PCDHA9: variants seen among roughly 807,000 people sequenced by gnomAD.
PCDHA9 encodes protocadherin alpha-9.
PCDHA9 carries 62 observed loss-of-function variants against 62.0 expected under a neutral mutation model. The ratio of observed to expected loss-of-function variants is 1.00; its 90% CI spans 0.81 to 1.23. PCDHA9 has a LOEUF of 1.23. Ranked by LOEUF, PCDHA9 falls within the 50% of genes most tolerant of loss-of-function variation. PCDHA9 has a pLI of 0.00. For missense variants in PCDHA9, 1,205 were observed against 1,249.8 expected (o/e 0.96, Z 0.54); for synonymous variants, 557 against 567.6 (o/e 0.98, Z 0.27).
At chr5:140,851,144 T>C in intron 1 of PCDHA9, 1 of 1,310,570 alleles carries the variant, frequency 7.6e-7, no homozygotes, top group Non-Finnish European at 9.9e-7. Context: ...TAAAGTGACA[T>C]TGAATTTCTG....
intron 1 of PCDHA9, among the ~76,000 whole-genome samples, chr5:140,974,321 T>C (rs2096622495): frequency 6.6e-6 from 1 of 152,226 alleles, no homozygotes; most frequent in Non-Finnish European, 1.5e-5. Context: ...AGAGAGTAGC[T>C]GCTGTGCTAG....
chr5:140,876,992 A>T (rs1222630901), intron 1 of PCDHA9: 1 of 1,612,438 alleles, frequency 6.2e-7, no homozygotes, highest in Non-Finnish European at 8.5e-7. Flanking sequence ...CTGTCGAGCT[A>T]CGTGTCGGTG....
chr5:140,981,845 T>C (rs184071298), intron 2 of PCDHA9, among the ~76,000 whole-genome samples: 129 of 152,310 alleles, frequency 8.5e-4, no homozygotes, highest in Middle Eastern at 3.4e-3. Flanking sequence ...TCCCAGTTTG[T>C]ATCTCACTCC....
chr5:140,962,369 AT>A (rs1181838799), intron 1 of PCDHA9, among the ~76,000 whole-genome samples: 1 of 152,154 alleles, frequency 6.6e-6, no homozygotes, highest in Admixed American at 6.5e-5. Flanking sequence ...GGCTAGTTTG[AT>A]TTTATCTGTT....
intron 3 of PCDHA9, 116 bp downstream of exon 3, chr5:140,982,679 C>T: frequency 7.0e-7 from 1 of 1,436,546 alleles, no homozygotes; most frequent in Non-Finnish European, 9.2e-7. Flanking sequence ...TTGTTATTCC[C>T]TTTTTTCCAT....
chr5:141,006,048 G>T (rs1158028347), intron 3 of PCDHA9, among the ~76,000 whole-genome samples: 1 of 150,984 alleles, frequency 6.6e-6, no homozygotes, highest in Non-Finnish European at 1.5e-5. Context: ...TTGTAGATGA[G>T]AGTGGAGAAG....
At chr5:140,932,633 A>T (rs1192123242) in intron 1 of PCDHA9, among the ~76,000 whole-genome samples, 1 of 151,912 alleles carries the variant, frequency 6.6e-6, no homozygotes, top group African/African-American at 2.4e-5. Flanking sequence ...ACACTAAAAA[A>T]CTTTAGAATG....
intron 1 of PCDHA9, chr5:140,884,825 T>C (rs543714024): frequency 1.0e-6 from 1 of 967,424 alleles, no homozygotes; most frequent in Non-Finnish European, 1.5e-6. Flanking sequence ...CATTATGTGT[T>C]GGATTATCCT....
intron 1 of PCDHA9, chr5:140,877,101 G>T (rs375706181): frequency 6.8e-6 from 11 of 1,613,354 alleles, no homozygotes; most frequent in Non-Finnish European, 9.3e-6. Flanking sequence ...CCGGCGTGCC[G>T]CCTCTGGGCA....
In PCDHA9 at chr5:140,884,578, G is replaced by A. The variant is rs1554181757; in HGVS notation, c.2394+33689G>A. 6 of 1,614,104 alleles carry A rather than the reference G, an allele frequency of 3.7e-6. No homozygotes were observed. In the South Asian group the frequency reaches 4.4e-5, roughly 12 times the overall value. On this transcript the variant is annotated intron_variant, in intron 1 of 3. Transcript: ENST00000532602. ...AGGGCCCGCATAAGACGGACCTCAT[G>A]GCCTTCAGTCCCAGCCTTCCTCCTT...
rs2093299605 is a variant in PCDHA9 at position 140,942,442 on chromosome 5, TA to T, written c.2395-36504del. 4.0e-5 allele frequency among the ~76,000 whole-genome samples: 6 copies of T among 151,626 alleles called. No homozygotes were observed. In the South Asian group the frequency reaches 1.2e-3, roughly 31 times the overall value. ...AAAAAGATATCTAACAATAAACAAG[TA>T]AACTATCAATTATAATACAATCAAA... On this transcript the variant is annotated intron_variant, in intron 1 of 3. Coordinates refer to ENST00000532602, the MANE Select transcript of PCDHA9 (RefSeq NM_031857.2).
At position 140,858,049 on chromosome 5, in the gene PCDHA9, G is replaced by T. The variant is rs181372488; in HGVS notation, c.2394+7160G>T. 54 of 1,597,448 alleles carry T rather than the reference G, an allele frequency of 3.4e-5. 4 individuals carry two copies. Among genetic ancestry groups the T allele is most frequent in the Non-Finnish European group, 4.4e-5 (51 of 1,167,426 alleles). On this transcript the variant is annotated intron_variant, in intron 1 of 3. Coordinates refer to ENST00000532602, the MANE Select transcript of PCDHA9 (RefSeq NM_031857.2). ...CGGCCACGGCCACTGTGCTTGTGTC[G>T]CTTGTGGAGGGCAGCCAGGCACCCA... is the stretch of plus-strand genomic sequence containing the variant.
At chr5:140,968,715 A>T (rs2096265469) in intron 1 of PCDHA9, 1 of 1,614,014 alleles carries the variant, frequency 6.2e-7, no homozygotes, top group South Asian at 1.1e-5. Flanking sequence ...AAGATGGGAG[A>T]TGAGAGTGGT....
At chr5:140,932,899 CAAT>C (rs1317207926) in intron 1 of PCDHA9, among the ~76,000 whole-genome samples, 2 of 151,832 alleles carry the variant, frequency 1.3e-5, no homozygotes, top group Non-Finnish European at 3.0e-5. Context: ...TAGAGGGAAA[CAAT>C]AATATTTCAA....
At chr5:140,858,437 G>A (rs1343643925) in intron 1 of PCDHA9, 1 of 1,541,834 alleles carries the variant, frequency 6.5e-7, no homozygotes, top group Non-Finnish European at 8.8e-7. Flanking sequence ...CTCTAGGAAG[G>A]TGGGTTATTA....
intron 1 of PCDHA9, among the ~76,000 whole-genome samples, chr5:140,960,717 T>TATTTTAGTCCATG (rs1244851083): frequency 3.3e-5 from 1 of 30,264 alleles, no homozygotes; most frequent in Non-Finnish European, 6.2e-5. Flanking sequence ...ATACTCATCT[T>TATTTTAGTCCATG]ATTTTAGTCC....
At chr5:140,922,888 C>A (rs1584282377) in intron 1 of PCDHA9, among the ~76,000 whole-genome samples, 1 of 152,236 alleles carries the variant, frequency 6.6e-6, no homozygotes, top group South Asian at 2.1e-4. Flanking sequence ...AGACATCATT[C>A]AAGAAAAAAT....
chr5:140,966,714 G>C, intron 1 of PCDHA9: 1 of 1,394,064 alleles, frequency 7.2e-7, no homozygotes, highest in South Asian at 1.6e-5. Flanking sequence ...GGCACGGCTG[G>C]GGAAGCTGCC....
rs780758944 is a variant in PCDHA9 at position 140,904,284 on chromosome 5, T to G, written c.2394+53395T>G. Among the ~76,000 whole-genome samples the G allele has an allele frequency of 1.3e-3, 196 of 152,216 alleles. 3 individuals carry two copies. The highest frequency in any genetic ancestry group is 1.2e-3 in the Non-Finnish European group (83 of 68,010). ...CACTTATGAATGAGAACATGTGGTG[T>G]TTGGTTTTCCATTCCTGAGTTTCTT... On this transcript the variant is annotated intron_variant, in intron 1 of 3. Transcript: ENST00000532602.
Sources: gnomAD v4.1 joint callset for allele counts (sites outside exome capture counted in the v4.1 genomes callset) on GRCh38, gnomAD v4.1.1 for gene constraint, MANE v1.5 for transcripts, NCBI Gene and HGNC (gene_info 2026-07-23, HGNC 2026-07-21) for gene names.